Variants in CXCR5 observed in about 807,000 individuals in gnomAD.
The protein encoded by CXCR5 is C-X-C motif chemokine receptor 5.
In CXCR5, 3 loss-of-function variants were observed where a neutral mutation model predicts 5.6. That is an observed-to-expected ratio of 0.54 (90% CI 0.24 to 1.39). The LOEUF is 1.39. Among genes scored for constraint, CXCR5 ranks in the 40% most tolerant of loss-of-function variants. CXCR5 has a pLI of 0.16. For missense variants in CXCR5, 333 were observed against 494.6 expected (o/e 0.67, Z 3.10); for synonymous variants, 218 against 219.9 (o/e 0.99, Z 0.08).
At chr11:118,889,348 G>C (rs1016729715) in intron 1 of CXCR5, among the ~76,000 whole-genome samples, 1 of 152,228 alleles carries the variant, frequency 6.6e-6, no homozygotes, top group Non-Finnish European at 1.5e-5. Context: ...GGTGCATGTT[G>C]CTGTCAAGAG....
intron 1 of CXCR5, among the ~76,000 whole-genome samples, chr11:118,884,414 C>CTGGCCATATGATTAT (rs1225371385): frequency 1.3e-5 from 2 of 152,134 alleles, no homozygotes; most frequent in Non-Finnish European, 2.9e-5. Flanking sequence ...CATAGCTGTT[C>CTGGCCATATGATTAT]GTCTCTGGCC....
Position 118,893,704 on chromosome 11 carries a change from G to A in CXCR5, c.160G>A (p.Val54Met), listed in dbSNP as rs148564775. The A allele has an allele frequency of 1.1e-5, 17 of 1,614,010 alleles. No individual in the cohort carries two copies. The highest frequency in any genetic ancestry group is 1.0e-4 in the Admixed American group (6 of 60,008). ...PLMASFKAVFVPVAYSLIFLL... is the reference protein window; with the variant it reads ...PLMASFKAVFMPVAYSLIFLL... ...CATGGCCTCCTTCAAGGCCGTGTTC[G>A]TGCCCGTGGCCTACAGCCTCATCTT... The change falls in exon 2 of 2, where the codon GTG becomes ATG. Residue 54 changes from valine (V) to methionine (M), a missense_variant. Val to Met is a conservative substitution (Grantham distance 21). Coordinates refer to ENST00000292174, the MANE Select transcript of CXCR5 (RefSeq NM_001716.5). This position sits in a 1 kb window ranked among gnomAD's most constrained non-coding sequence, Gnocchi z 5.7.
intron 1 of CXCR5, chr11:118,886,520 T>A (rs1389829502): frequency 5.4e-5 from 20 of 373,426 alleles, no homozygotes; most frequent in South Asian, 3.9e-4. Flanking sequence ...CAATGAAAGG[T>A]CCAAATAGAA....
chr11:118,887,127 T>C, intron 1 of CXCR5: 1 of 511,400 alleles, frequency 2.0e-6, no homozygotes, highest in Non-Finnish European at 2.5e-6. Flanking sequence ...AGGGTCAAAG[T>C]GAATATGGGT....
chr11:118,893,290 C>A lies in CXCR5; in HGVS notation c.52-306C>A. ...TGACTCCAGCCGCCAAGGCTGCAGGCTTCCGTACATGAGGACCCAAAAACA... is the reference window on the plus strand; with the variant it reads ...TGACTCCAGCCGCCAAGGCTGCAGGATTCCGTACATGAGGACCCAAAAACA... On this transcript the variant is annotated intron_variant, in intron 1 of 1. Transcript: ENST00000292174. This position sits in a 1 kb window ranked among gnomAD's most constrained non-coding sequence, Gnocchi z 5.7. 1.5e-6 allele frequency: 1 copy of A among 652,904 alleles called. No individual in the cohort carries two copies. Among genetic ancestry groups the A allele is most frequent in the Non-Finnish European group, 1.9e-6 (1 of 527,028 alleles). The allele number at this position is 652,904 out of a possible 1,614,324, so 40.4% of individuals were successfully genotyped here.
In CXCR5 at chr11:118,893,522, G is replaced by A; in HGVS notation, c.52-74G>A. On this transcript the variant is annotated intron_variant, in intron 1 of 1. Transcript: ENST00000292174. The surrounding 1 kb of genome is among the most constrained non-coding windows in gnomAD (Gnocchi z 5.7). ...GCCCTATGTAGGAAAAAACCTCCAA[G>A]AGAGCTAGGGTTCCTCTCAGAGAGG... is the stretch of plus-strand genomic sequence containing the variant. 6.7e-7 allele frequency: 1 copy of A among 1,500,072 alleles called. No individual in the cohort carries two copies. Among genetic ancestry groups the A allele is most frequent in the Non-Finnish European group, 8.9e-7 (1 of 1,123,254 alleles). The allele number at this position is 1,500,072 out of a possible 1,614,324, so 92.9% of individuals were successfully genotyped here. A position where few individuals can be genotyped will look rare whatever the true frequency, so the allele number is the denominator to read the frequency against.
In CXCR5 at chr11:118,893,394, A is replaced by G; in HGVS notation, c.52-202A>G. On this transcript the variant is annotated intron_variant, in intron 1 of 1. Transcript: ENST00000292174. The surrounding 1 kb of genome is among the most constrained non-coding windows in gnomAD (Gnocchi z 5.7). The stretch of plus-strand genomic sequence containing the variant: ...CACGCCTCCCTTCATCAGCACCACC[A>G]CTCTAAGGAATGCGGTCCCTTTGAC... 1 of 985,262 alleles carries G rather than the reference A, an allele frequency of 1.0e-6. No homozygotes were observed. The highest frequency in any genetic ancestry group is 1.7e-5 in the African/African-American group (1 of 57,274). The allele number at this position is 985,262 out of a possible 1,614,324, so 61.0% of individuals were successfully genotyped here. A position where few individuals can be genotyped will look rare whatever the true frequency, so the allele number is the denominator to read the frequency against.
rs747699770 is a variant in CXCR5, at chr11:118,897,443, G to A, written c.*2780G>A. Reference sequence around the variant, plus strand: ...ATCCAAAGTGGAAAGCCAGGGCCCCGTGTCACCGGTGTGGGCAAACACACA... The same window carrying A: ...ATCCAAAGTGGAAAGCCAGGGCCCCATGTCACCGGTGTGGGCAAACACACA... On this transcript the variant is annotated 3_prime_UTR_variant, in exon 2 of 2. Coordinates refer to ENST00000292174, the MANE Select transcript of CXCR5 (RefSeq NM_001716.5). The A allele has an allele frequency of 9.8e-6, 2 of 205,012 alleles. No individual in the cohort carries two copies. Among genetic ancestry groups the A allele is most frequent in the Admixed American group, 1.1e-4 (2 of 18,512 alleles). The allele number at this position is 205,012 out of a possible 1,614,324, so 12.7% of individuals were successfully genotyped here. A position where few individuals can be genotyped will look rare whatever the true frequency, so the allele number is the denominator to read the frequency against.
At chr11:118,886,320 G>C (rs1416526952) in intron 1 of CXCR5, 1 of 444,414 alleles carries the variant, frequency 2.3e-6, no homozygotes, top group Non-Finnish European at 4.5e-6. Flanking sequence ...CTAAGAACTG[G>C]GGCCTTTTGG....
At chr11:118,888,435 C>A (rs548098994) in intron 1 of CXCR5, among the ~76,000 whole-genome samples, 8 of 152,278 alleles carry the variant, frequency 5.3e-5, no homozygotes, top group African/African-American at 1.9e-4. Context: ...AGACACTACA[C>A]CCCTAGTACC....
intron 1 of CXCR5, among the ~76,000 whole-genome samples, chr11:118,891,211 C>T (rs1939804771): frequency 6.6e-6 from 1 of 152,136 alleles, no homozygotes. Flanking sequence ...CTATGTCATG[C>T]AGGCTGGTCT....
rs878890744 is a variant in CXCR5 at position 118,896,033 on chromosome 11, GACA to G, written c.*1373_*1375del. 7.2e-5 allele frequency: 12 copies of G among 167,192 alleles called. No individual in the cohort carries two copies. The South Asian group carries it at 1.9e-3, about 26-fold the overall frequency. The allele number at this position is 167,192 out of a possible 1,614,324, so 10.4% of individuals were successfully genotyped here. Reference sequence around the variant, plus strand: ...TCACGTGAGAGTGTCTTCACGGCAGGACAACGAGGAAGCCCTAAGACGTCCCTT... The same window carrying G: ...TCACGTGAGAGTGTCTTCACGGCAGGACGAGGAAGCCCTAAGACGTCCCTT... On this transcript the variant is annotated 3_prime_UTR_variant, in exon 2 of 2. Transcript: ENST00000292174.
Position 118,883,952 on chromosome 11 carries a change from C to A in CXCR5, c.11C>A (p.Pro4Gln). The A allele has an allele frequency of 6.2e-7, 1 of 1,612,432 alleles. No homozygotes were observed. The highest frequency in any genetic ancestry group is 8.5e-7 in the Non-Finnish European group (1 of 1,179,216). ...ACAGCCGGCACAGCCATGAACTACCCGCTAACGCTGGAAATGGACCTCGAG... is the reference window on the plus strand; with the variant it reads ...ACAGCCGGCACAGCCATGAACTACCAGCTAACGCTGGAAATGGACCTCGAG... MNYPLTLEMDLENL... is the reference protein window; with the variant it reads MNYQLTLEMDLENL... The change falls in exon 1 of 2, where the codon CCG becomes CAG. Residue 4 changes from proline to glutamine, a missense_variant. Coordinates refer to ENST00000292174, the MANE Select transcript of CXCR5 (RefSeq NM_001716.5).
At position 118,895,181 on chromosome 11, in the gene CXCR5, C is replaced by T. The variant is rs56387466; in HGVS notation, c.*518C>T. The T allele has an allele frequency of 0.015, 2,556 of 167,790 alleles. 68 individuals carry two copies. Among genetic ancestry groups the T allele is most frequent in the East Asian group, 0.11 (586 of 5,174 alleles). 10.4% of individuals were successfully genotyped at this position (167,790 alleles called of 1,614,324 possible). A position where few individuals can be genotyped will look rare whatever the true frequency, so the allele number is the denominator to read the frequency against. On this transcript the variant is annotated 3_prime_UTR_variant, in exon 2 of 2. Coordinates refer to ENST00000292174, the MANE Select transcript of CXCR5 (RefSeq NM_001716.5). The surrounding 1 kb of genome is among the most constrained non-coding windows in gnomAD (Gnocchi z 4.2). ...AGGCCAGCTGGCAGCAGAGTGTGGC[C>T]TTCGGACAACTCAGTCCCTAAAAAC... is the stretch of plus-strand genomic sequence containing the variant.
In CXCR5 at chr11:118,887,417, G is replaced by A. The variant is rs555030118; in HGVS notation, c.51+3425G>A. ...GTATCCAAAGGGCAAAGAGACGCTG[G>A]GGTGCCAGGTGGGGCTCCCTTAAGC... is the stretch of plus-strand genomic sequence containing the variant. On this transcript the variant is annotated intron_variant, in intron 1 of 1. Coordinates refer to ENST00000292174, the MANE Select transcript of CXCR5 (RefSeq NM_001716.5). The A allele has an allele frequency of 1.6e-4, 154 of 985,496 alleles. No individual in the cohort carries two copies. The South Asian group carries it at 6.0e-3, about 38-fold the overall frequency. 61.0% of individuals were successfully genotyped at this position (985,496 alleles called of 1,614,324 possible). A position where few individuals can be genotyped will look rare whatever the true frequency, so the allele number is the denominator to read the frequency against.
intron 1 of CXCR5, among the ~76,000 whole-genome samples, chr11:118,891,493 C>T (rs1245217279): frequency 1.3e-5 from 2 of 152,158 alleles, no homozygotes; most frequent in Admixed American, 6.5e-5. Flanking sequence ...GCCTGAGCCA[C>T]CATGCCCAGA....
intron 1 of CXCR5, among the ~76,000 whole-genome samples, chr11:118,889,476 T>A (rs1939775895): frequency 6.6e-6 from 1 of 152,234 alleles, no homozygotes; most frequent in African/African-American, 2.4e-5. Flanking sequence ...GAGGGCTTCC[T>A]TCAGCAGCAC....
intron 1 of CXCR5, among the ~76,000 whole-genome samples, chr11:118,885,605 C>T (rs765124607): frequency 1.1e-4 from 16 of 152,226 alleles, no homozygotes; most frequent in Non-Finnish European, 1.9e-4. Flanking sequence ...AAACTGACCA[C>T]GAGCCCTGAC....
intron 1 of CXCR5, among the ~76,000 whole-genome samples, chr11:118,885,039 C>G (rs944412132): frequency 1.3e-5 from 2 of 152,180 alleles, no homozygotes; most frequent in African/African-American, 2.4e-5. Flanking sequence ...AAGATATTGT[C>G]TGACTCCCTC....
Sources: gnomAD v4.1 joint callset for allele counts (sites outside exome capture counted in the v4.1 genomes callset) on GRCh38, gnomAD v4.1.1 for gene constraint, Gnocchi (gnomAD v3.1) non-coding constraint, MANE v1.5 for transcripts, NCBI Gene and HGNC (gene_info 2026-07-23, HGNC 2026-07-21) for gene names.